LRRC4C: variants seen among roughly 807,000 people sequenced by gnomAD.
LRRC4C encodes leucine rich repeat containing 4C, also known as leucine-rich repeat-containing protein 4C.
In LRRC4C, 5 loss-of-function variants were observed where a neutral mutation model predicts 33.6. That is an observed-to-expected ratio of 0.15 (90% CI 0.08 to 0.31). LRRC4C has a LOEUF of 0.31. Ranked by LOEUF, LRRC4C falls within the 10% of genes least tolerant of loss-of-function variation. The pLI is 1.00. For missense variants in LRRC4C, 560 were observed against 796.7 expected, an observed-to-expected ratio of 0.70 and a Z score of 3.58; for synonymous variants, 329 against 302.0, an observed-to-expected ratio of 1.09 and a Z score of -0.93.
intron 2 of LRRC4C, among the ~76,000 whole-genome samples, chr11:40,696,285 T>TATATATATATATATATATACTC (rs1945508925): frequency 1.4e-5 from 2 of 142,562 alleles, no homozygotes; most frequent in African/African-American, 5.5e-5. Flanking sequence ...ATGCCACATA[T>TATATATATATATATATATACTC]ATATATATAT....
At chr11:40,154,779 C>T (rs912855308) in intron 5 of LRRC4C, among the ~76,000 whole-genome samples, 4 of 152,160 alleles carry the variant, frequency 2.6e-5, no homozygotes, top group Non-Finnish European at 5.9e-5. Context: ...ACACCACTGA[C>T]AGCACTAGTC....
intron 1 of LRRC4C, among the ~76,000 whole-genome samples, chr11:40,994,366 C>G (rs572933143): frequency 1.3e-5 from 2 of 152,240 alleles, no homozygotes; most frequent in Non-Finnish European, 1.5e-5. Flanking sequence ...TGGCAATACT[C>G]TACCTAGAAG....
intron 3 of LRRC4C, among the ~76,000 whole-genome samples, chr11:40,459,809 G>A (rs1317757685): frequency 6.6e-6 from 1 of 152,168 alleles, no homozygotes; most frequent in African/African-American, 2.4e-5. Flanking sequence ...TGTTGTTGGT[G>A]CCACAGAGCA....
intron 2 of LRRC4C, among the ~76,000 whole-genome samples, chr11:40,766,179 T>C (rs1229794492): frequency 5.3e-5 from 8 of 150,176 alleles, no homozygotes; most frequent in Admixed American, 5.3e-4. Context: ...TTTGAAATAT[T>C]TGAAGTGTTA....
intron 2 of LRRC4C, among the ~76,000 whole-genome samples, chr11:40,775,204 A>T (rs1357301692): frequency 6.6e-6 from 1 of 151,886 alleles, no homozygotes; most frequent in East Asian, 1.9e-4. Flanking sequence ...AGGTCAGGAG[A>T]TCGAGACCAT....
At chr11:41,387,986 A>C (rs560606442) in intron 1 of LRRC4C, among the ~76,000 whole-genome samples, 3 of 151,982 alleles carry the variant, frequency 2.0e-5, no homozygotes, top group African/African-American at 2.4e-5. Context: ...TCCATAACCC[A>C]ACAGAGAAAT....
At chr11:40,499,439 C>T (rs1206790368) in intron 3 of LRRC4C, among the ~76,000 whole-genome samples, 2 of 152,214 alleles carry the variant, frequency 1.3e-5, no homozygotes, top group East Asian at 3.9e-4. Flanking sequence ...TAAAAATGGC[C>T]ATGTAATTGA....
chr11:40,245,540 C>T (rs529865849), intron 4 of LRRC4C, among the ~76,000 whole-genome samples: 12 of 152,208 alleles, frequency 7.9e-5, no homozygotes, highest in South Asian at 2.1e-4. Flanking sequence ...TTTATTGATA[C>T]GATCCTCAAA....
At chr11:40,161,503 T>TA (rs1273689063) in intron 5 of LRRC4C, among the ~76,000 whole-genome samples, 3 of 152,160 alleles carry the variant, frequency 2.0e-5, no homozygotes, top group African/African-American at 4.8e-5. Context: ...CCTGTGATCC[T>TA]AGCACTTTGG....
intron 3 of LRRC4C, among the ~76,000 whole-genome samples, chr11:40,548,360 T>G (rs1414539135): frequency 6.6e-6 from 1 of 151,968 alleles, no homozygotes; most frequent in Non-Finnish European, 1.5e-5. Context: ...CTGATGTCCT[T>G]ACAAAAAAGC....
chr11:40,470,083 A>G (rs1346263821), intron 3 of LRRC4C, among the ~76,000 whole-genome samples: 1 of 152,324 alleles, frequency 6.6e-6, no homozygotes, highest in East Asian at 1.9e-4. Flanking sequence ...ATGCCTCCTG[A>G]CTAGGAGATA....
chr11:41,299,544 G>C (rs1300220348), intron 1 of LRRC4C, among the ~76,000 whole-genome samples: 1 of 152,006 alleles, frequency 6.6e-6, no homozygotes, highest in Non-Finnish European at 1.5e-5. Context: ...CAGTTTGTTT[G>C]ATCTGTTATA....
intron 2 of LRRC4C, among the ~76,000 whole-genome samples, chr11:40,720,944 G>T (rs1181990415): frequency 6.6e-6 from 1 of 152,094 alleles, no homozygotes; most frequent in Non-Finnish European, 1.5e-5. Flanking sequence ...GTCTGAAAGG[G>T]ACCCTTGCCA....
chr11:40,300,333 A>G (rs1944710342), intron 4 of LRRC4C, among the ~76,000 whole-genome samples: 1 of 152,322 alleles, frequency 6.6e-6, no homozygotes, highest in Middle Eastern at 3.4e-3. Context: ...TAATGTGTTC[A>G]AGGCTTCATG....
intron 1 of LRRC4C, among the ~76,000 whole-genome samples, chr11:41,360,936 T>C (rs1952333705): frequency 1.3e-5 from 2 of 152,212 alleles, no homozygotes; most frequent in African/African-American, 4.8e-5. Flanking sequence ...TTCATGGAGA[T>C]CACCGTAATG....
At chr11:40,938,647 T>G (rs923416850) in intron 1 of LRRC4C, among the ~76,000 whole-genome samples, 2 of 152,208 alleles carry the variant, frequency 1.3e-5, no homozygotes, top group African/African-American at 4.8e-5. Context: ...GATTCAGACT[T>G]GACCACACTA....
intron 1 of LRRC4C, among the ~76,000 whole-genome samples, chr11:41,219,062 C>T (rs1356630182): frequency 1.3e-5 from 2 of 152,074 alleles, no homozygotes; most frequent in African/African-American, 2.4e-5. Flanking sequence ...TGAGCCACCG[C>T]GCCCGGCCGC....
intron 3 of LRRC4C, among the ~76,000 whole-genome samples, chr11:40,557,399 A>T (rs1957373286): frequency 1.3e-5 from 2 of 152,192 alleles, no homozygotes; most frequent in African/African-American, 4.8e-5. Flanking sequence ...TATAGTAAAG[A>T]GTTTGCATAA....
intron 2 of LRRC4C, among the ~76,000 whole-genome samples, chr11:40,662,567 C>T (rs576478846): frequency 9.2e-5 from 14 of 152,220 alleles, no homozygotes; most frequent in African/African-American, 2.6e-4. Context: ...CCATGAAGTC[C>T]GTGTTCACGA....
Sources: gnomAD v4.1 joint callset for allele counts (sites outside exome capture counted in the v4.1 genomes callset) on GRCh38, gnomAD v4.1.1 for gene constraint, MANE v1.5 for transcripts, NCBI Gene and HGNC (gene_info 2026-07-23, HGNC 2026-07-21) for gene names.